Variants in TPP2 observed in about 807,000 individuals in gnomAD.
The protein encoded by TPP2 is tripeptidyl peptidase 2.
In TPP2, 34 loss-of-function variants were observed where a neutral mutation model predicts 155.9. The observed-to-expected ratio is 0.22, with a 90% CI of 0.17 to 0.29. TPP2 has a LOEUF of 0.29. Among genes scored for constraint, TPP2 ranks in the 10% least tolerant of loss-of-function variants. TPP2 has a pLI of 1.00. For synonymous variants in TPP2, 510 were observed against 529.4 expected, an observed-to-expected ratio of 0.96 and a Z score of 0.50; for missense variants, 1,028 against 1,522.3, an observed-to-expected ratio of 0.68 and a Z score of 5.40.
chr13:102,630,019 T>A (rs1391973724), intron 9 of TPP2, 77 bp from the exon 10 acceptor site: 4 of 1,229,650 alleles, frequency 3.3e-6, no homozygotes, highest in Non-Finnish European at 4.7e-6. Context: ...ATTAGGCAGT[T>A]TACTCAAGTG....
At chr13:102,635,208 G>T (rs1882287114) in intron 11 of TPP2, among the ~76,000 whole-genome samples, 1 of 152,138 alleles carries the variant, frequency 6.6e-6, no homozygotes, top group African/African-American at 2.4e-5. Flanking sequence ...GAGTTCCCCT[G>T]GGGTTTATAA....
chr13:102,634,166 G>A (rs566094162), intron 11 of TPP2, 68 bp downstream of exon 11: 6 of 1,593,236 alleles, frequency 3.8e-6, no homozygotes, highest in Middle Eastern at 1.7e-4. Context: ...AGCTCTCATG[G>A]TAAGAACATG....
chr13:102,655,083 A>G (rs1203824957), intron 24 of TPP2: 2 of 469,932 alleles, frequency 4.3e-6, no homozygotes, highest in Admixed American at 2.3e-5. Context: ...AAATGGATTT[A>G]TATGGTTATC....
intron 16 of TPP2, among the ~76,000 whole-genome samples, chr13:102,640,759 T>C (rs1028561171): frequency 2.0e-5 from 3 of 148,752 alleles, no homozygotes. Context: ...CAAACGATTC[T>C]CCTTCCTCAG....
chr13:102,656,656 G>A (rs1595198804), intron 24 of TPP2, among the ~76,000 whole-genome samples: 1 of 152,156 alleles, frequency 6.6e-6, no homozygotes, highest in Non-Finnish European at 1.5e-5. Flanking sequence ...GTTGAATGAA[G>A]GCATAAGCGT....
chr13:102,597,796 A>G (rs1003892762), intron 1 of TPP2, among the ~76,000 whole-genome samples: 1 of 152,246 alleles, frequency 6.6e-6, no homozygotes, highest in Non-Finnish European at 1.5e-5. Flanking sequence ...TTTCCAGAAG[A>G]TAACCCAGTC....
chr13:102,676,045 T>C (rs895562072), intron 28 of TPP2, among the ~76,000 whole-genome samples: 2 of 152,176 alleles, frequency 1.3e-5, no homozygotes, highest in Non-Finnish European at 2.9e-5. Flanking sequence ...GAGGTATTTT[T>C]AAGTGGATTT....
chr13:102,625,006 C>T (rs1395996468), intron 6 of TPP2, among the ~76,000 whole-genome samples: 1 of 150,550 alleles, frequency 6.6e-6, no homozygotes, highest in Admixed American at 6.6e-5. Flanking sequence ...ATTACAGGCG[C>T]GTACCACCAC....
intron 23 of TPP2, 107 bp downstream of exon 23, chr13:102,649,593 T>C: frequency 4.2e-6 from 4 of 950,098 alleles, no homozygotes; most frequent in Non-Finnish European, 6.0e-6. Context: ...GAAGATATAC[T>C]CTTGGGGAAA....
Position 102,616,426 on chromosome 13 carries a change from G to A in TPP2, c.421G>A (p.Val141Ile). 6.2e-7 allele frequency: 1 copy of A among 1,612,838 alleles called. No homozygotes were observed. The highest frequency in any genetic ancestry group is 8.5e-7 in the Non-Finnish European group (1 of 1,179,568). ...KERKEKIWDPVHRVALAEACR... is the reference protein window; with the variant it reads ...KERKEKIWDPIHRVALAEACR... ...ACGGAAGGAAAAAATCTGGGACCCTGTTCACAGAGTGGCCCTTGCAGAAGC... is the reference window on the plus strand; with the variant it reads ...ACGGAAGGAAAAAATCTGGGACCCTATTCACAGAGTGGCCCTTGCAGAAGC... Residue 141 changes from valine to isoleucine, a missense_variant, in exon 4 of 30, where the codon GTT becomes ATT. Physicochemically the swap from Val to Ile is conservative, Grantham distance 29. This residue lies in a region of TPP2 where 300 missense variants were observed against 398.3 expected (regional missense o/e 0.75). Transcript: ENST00000376052.
rs1880948265 is a variant in TPP2, at chr13:102,618,986, C to T, written c.620+140C>T. 3 of 1,078,916 alleles carry T rather than the reference C, an allele frequency of 2.8e-6. No individual in the cohort carries two copies. In the South Asian group the frequency reaches 6.8e-5, roughly 24 times the overall value. The allele number at this position is 1,078,916 out of a possible 1,614,324, so 66.8% of individuals were successfully genotyped here. ...CAAAATCATTTAAGGGCCAAATTGG[C>T]ATCTGGGTAGTTTTGGACAAGCCCC... is the stretch of plus-strand genomic sequence containing the variant. On this transcript the variant is annotated intron_variant, in intron 5 of 29. Transcript: ENST00000376052.
intron 6 of TPP2, among the ~76,000 whole-genome samples, chr13:102,623,427 G>A (rs771586946): frequency 1.3e-5 from 2 of 152,160 alleles, no homozygotes; most frequent in African/African-American, 2.4e-5. Flanking sequence ...GCTGTGCGTG[G>A]TGGCACATGC....
At chr13:102,622,567 A>T (rs570670212) in intron 5 of TPP2, among the ~76,000 whole-genome samples, 2 of 152,358 alleles carry the variant, frequency 1.3e-5, no homozygotes, top group East Asian at 3.9e-4. Flanking sequence ...ACTATCCTAA[A>T]CTGCTCTAAA....
intron 24 of TPP2, among the ~76,000 whole-genome samples, chr13:102,652,450 A>G (rs926664851): frequency 8.3e-6 from 1 of 119,948 alleles, no homozygotes; most frequent in Non-Finnish European, 1.7e-5. Flanking sequence ...ATATATATAT[A>G]TATAAAAGGG....
At chr13:102,607,381 C>A (rs1005014467) in intron 2 of TPP2, among the ~76,000 whole-genome samples, 2 of 152,126 alleles carry the variant, frequency 1.3e-5, no homozygotes, top group Admixed American at 1.3e-4. Flanking sequence ...GTCAATGGAG[C>A]ATTTCAGATT....
rs1251882622 is a variant in TPP2 at position 102,646,402 on chromosome 13, C to T, written c.2490+12C>T. 2 of 1,598,450 alleles carry T rather than the reference C, an allele frequency of 1.3e-6. No individual in the cohort carries two copies. The highest frequency in any genetic ancestry group is 1.3e-5 in the African/African-American group (1 of 74,262). ...ATAACTTTCATCAAGTAAGTGTTTG[C>T]CTAGTAAAGTGTACCCTTAGGATGA... On this transcript the variant is annotated intron_variant, in intron 20 of 29. Transcript: ENST00000376052.
intron 26 of TPP2, among the ~76,000 whole-genome samples, chr13:102,664,568 A>G (rs1336401204): frequency 6.6e-6 from 1 of 152,156 alleles, no homozygotes; most frequent in African/African-American, 2.4e-5. Context: ...CCAGCAGGGA[A>G]TGTAAATAAG....
intron 1 of TPP2, among the ~76,000 whole-genome samples, chr13:102,598,453 A>T (rs1879158671): frequency 6.6e-6 from 1 of 152,190 alleles, no homozygotes; most frequent in African/African-American, 2.4e-5. Context: ...GTTCTTCAGC[A>T]CCACTCTGGA....
At chr13:102,646,173 G>T in intron 19 of TPP2, 121 bp from the exon 20 acceptor site, 1 of 617,330 alleles carries the variant, frequency 1.6e-6, no homozygotes, top group Non-Finnish European at 2.8e-6. Context: ...GAAAAGGATA[G>T]CTCTCAGGAA....
Sources: allele counts gnomAD v4.1 joint callset (sites outside exome capture counted in the v4.1 genomes callset), GRCh38; gene constraint gnomAD v4.1.1; regional missense constraint gnomAD v4.1.1; transcripts MANE v1.5; gene names NCBI Gene and HGNC (gene_info 2026-07-23, HGNC 2026-07-21).